Variants in FBLN2 observed in about 807,000 individuals in gnomAD.
FBLN2 encodes fibulin-2.
Under a neutral mutation model 123.7 loss-of-function variants are expected in FBLN2, and 81 were observed. The observed-to-expected ratio is 0.65, with a 90% confidence interval of 0.55 to 0.79. FBLN2 has a LOEUF of 0.79. Ranked by LOEUF, FBLN2 falls within the 30% of genes least tolerant of loss-of-function variation. FBLN2 has a pLI of 0.00. For missense variants in FBLN2, 1,603 were observed against 1,681.3 expected (o/e 0.95, Z 0.81); for synonymous variants, 699 against 701.4 (o/e 1.00, Z 0.05).
chr3:13,624,763 A>G (rs6773406), intron 9 of FBLN2, among the ~76,000 whole-genome samples: 101,856 of 152,244 alleles, frequency 0.67, 34,326 homozygotes, highest in East Asian at 0.77. Context: ...GGGCCGACAC[A>G]CCCACTTGGT....
At chr3:13,581,208 C>T (rs546964106) in intron 2 of FBLN2, among the ~76,000 whole-genome samples, 74 of 5,582 alleles carry the variant, frequency 0.013, no homozygotes, top group African/African-American at 0.056. Context: ...AAGTCAGGGG[C>T]GGCAGGTGGG....
Position 13,631,424 on chromosome 3 carries a change from T to G in FBLN2, c.3181T>G (p.Tyr1061Asp). 6.3e-7 allele frequency: 1 copy of G among 1,599,046 alleles called. No individual in the cohort carries two copies. The highest frequency in any genetic ancestry group is 8.5e-7 in the Non-Finnish European group (1 of 1,173,030). ...SYQCACPEQG[Y>D]TMTANGRSCK... ...CCAGTGTGCATGCCCTGAGCAGGGC[T>G]ACACCATGACGGCCAACGGGAGGTC... The change falls in exon 16 of 18, where the codon TAC (tyrosine) becomes GAC (aspartate). Residue 1061 changes from tyrosine (Y) to aspartate (D), a missense_variant. By Grantham distance (160) the Tyr-to-Asp change is radical. Coordinates refer to ENST00000404922, the MANE Select transcript of FBLN2 (RefSeq NM_001004019.2).
intron 1 of FBLN2, among the ~76,000 whole-genome samples, chr3:13,569,678 C>T (rs533902547): frequency 6.6e-6 from 1 of 152,074 alleles, no homozygotes; most frequent in South Asian, 2.1e-4. Context: ...AGGTGTGTTC[C>T]TGAGTCCTAG....
intron 2 of FBLN2, among the ~76,000 whole-genome samples, chr3:13,579,030 G>C (rs1650192199): frequency 6.6e-6 from 1 of 152,190 alleles, no homozygotes; most frequent in African/African-American, 2.4e-5. Context: ...ACTCCAGCCT[G>C]GGCAGCAAGA....
At chr3:13,555,018 T>C (rs1420268515) in intron 1 of FBLN2, among the ~76,000 whole-genome samples, 1 of 151,966 alleles carries the variant, frequency 6.6e-6, no homozygotes, top group African/African-American at 2.4e-5. Flanking sequence ...AGTGGTGCGA[T>C]TCCGGCTCAC....
chr3:13,622,044 C>G (rs1705871880), intron 9 of FBLN2, 129 bp downstream of exon 9: 1 of 1,114,088 alleles, frequency 9.0e-7, no homozygotes, highest in East Asian at 2.6e-5. Context: ...CAGCCGGCAT[C>G]TCCGTGCTCT....
chr3:13,621,851 C>G lies in FBLN2; in HGVS notation c.2232C>G (p.Tyr744Ter), dbSNP rs1394462964. The part of the protein sequence containing the change: ...QFCVNTLGSF[Y>*]CVNHTVLCAD... ...GTGTGAACACCCTGGGATCCTTCTA[C>G]TGTGTCAACCACACAGTGCTCTGTG... is the stretch of plus-strand genomic sequence containing the variant. Residue 744 changes from tyrosine (Y) to a stop codon, truncating the protein, a stop_gained, in exon 9 of 18, where the codon TAC (tyrosine) becomes TAG (stop). Transcript: ENST00000404922. LOFTEE classifies it high-confidence loss of function. The G allele has an allele frequency of 1.9e-6, 3 of 1,613,950 alleles. No homozygotes were observed. The highest frequency in any genetic ancestry group is 2.5e-6 in the Non-Finnish European group (3 of 1,179,908).
At chr3:13,587,580 C>T (rs1349771430) in intron 2 of FBLN2, among the ~76,000 whole-genome samples, 4 of 152,162 alleles carry the variant, frequency 2.6e-5, no homozygotes, top group South Asian at 2.1e-4. Context: ...TCTCAGCAGG[C>T]GCTCTTAAAA....
chr3:13,622,109 G>A (rs1399835017), intron 9 of FBLN2, among the ~76,000 whole-genome samples, 194 bp downstream of exon 9: 1 of 152,190 alleles, frequency 6.6e-6, no homozygotes, highest in Non-Finnish European at 1.5e-5. Flanking sequence ...AGCTCCACCC[G>A]GAGGCTGCTT....
chr3:13,612,297 T>TTCTTTCTTTC (rs1705421361), intron 4 of FBLN2, among the ~76,000 whole-genome samples: 2 of 49,176 alleles, frequency 4.1e-5, no homozygotes, highest in Non-Finnish European at 1.1e-4. Context: ...TTATTTTCCT[T>TTCTTTCTTTC]TCTTTCTTTC....
chr3:13,609,421 G>T, intron 3 of FBLN2, 92 bp from the exon 4 acceptor site: 2 of 1,404,998 alleles, frequency 1.4e-6, no homozygotes, highest in Non-Finnish European at 1.9e-6. Flanking sequence ...TGTGGACCTT[G>T]GGCAGAGCTT....
intron 1 of FBLN2, among the ~76,000 whole-genome samples, chr3:13,557,070 T>G (rs1168116224): frequency 6.6e-6 from 1 of 152,282 alleles, no homozygotes; most frequent in East Asian, 1.9e-4. Context: ...AGGTGGTCTG[T>G]GCTTTCTTTT....
At chr3:13,559,413 A>G (rs1382559796) in intron 1 of FBLN2, among the ~76,000 whole-genome samples, 2 of 152,214 alleles carry the variant, frequency 1.3e-5, no homozygotes, top group Non-Finnish European at 2.9e-5. Flanking sequence ...CTTGATGACA[A>G]GATGGCTTCA....
rs368630493 is a variant in FBLN2, at chr3:13,614,025, C to T, written c.1590C>T (p.Ala530=). 14 of 1,613,230 alleles carry T rather than the reference C, an allele frequency of 8.7e-6. No homozygotes were observed. Among genetic ancestry groups the T allele is most frequent in the South Asian group, 4.4e-5 (4 of 91,074 alleles). The change falls in exon 5 of 18, where the codon GCC becomes GCT. Residue 530 remains alanine (A), a synonymous_variant. Coordinates refer to ENST00000404922, the MANE Select transcript of FBLN2 (RefSeq NM_001004019.2). ...DCCGLGLRVR[A]EGQSCESNPN... Reference sequence around the variant, plus strand: ...GTGGCCTGGGCCTCCGCGTGCGGGCCGAGGGCCAGTCGTGTGAGTCCAATC... The same window carrying T: ...GTGGCCTGGGCCTCCGCGTGCGGGCTGAGGGCCAGTCGTGTGAGTCCAATC...
At chr3:13,613,365 A>G (rs1375801501) in intron 4 of FBLN2, among the ~76,000 whole-genome samples, 2 of 152,248 alleles carry the variant, frequency 1.3e-5, no homozygotes, top group Non-Finnish European at 2.9e-5. Context: ...ATACTACTGT[A>G]TTTTAAAATA....
intron 1 of FBLN2, 83 bp from the exon 2 acceptor site, chr3:13,570,232 C>T: frequency 1.5e-6 from 2 of 1,377,690 alleles, no homozygotes; most frequent in East Asian, 2.6e-5. Context: ...TGAGGCTGGG[C>T]CCCTGCCCGC....
At position 13,586,664 on chromosome 3, in the gene FBLN2, A is replaced by ATT. The variant is rs539204519; in HGVS notation, c.1306+15020_1306+15021dup. 8.2e-3 allele frequency among the ~76,000 whole-genome samples: 1,027 copies of ATT among 124,790 alleles called. 19 individuals are homozygous for ATT. Among genetic ancestry groups the ATT allele is most frequent in the African/African-American group, 0.03 (936 of 31,554 alleles). 81.9% of individuals were successfully genotyped at this position (124,790 alleles called of 152,430 possible). On this transcript the variant is annotated intron_variant, in intron 2 of 17. Transcript: ENST00000404922. ...AGGCGCATGGTGCCATGCCCAGCTA[A>ATT]TTTTTTTTTTTTTTTTTTGTATTTT...
At chr3:13,634,090 T>C (rs1706364561) in intron 16 of FBLN2, among the ~76,000 whole-genome samples, 2 of 152,038 alleles carry the variant, frequency 1.3e-5, no homozygotes, top group Admixed American at 1.3e-4. Context: ...AGCAGCACTC[T>C]CGGTCTTGCC....
chr3:13,558,850 C>G (rs1703535522), intron 1 of FBLN2, among the ~76,000 whole-genome samples: 1 of 140,494 alleles, frequency 7.1e-6, no homozygotes, highest in African/African-American at 2.6e-5. Context: ...CTTATCCCAC[C>G]CTCAGGGCTT....
Sources: allele counts gnomAD v4.1 joint callset (sites outside exome capture counted in the v4.1 genomes callset), GRCh38; gene constraint gnomAD v4.1.1; transcripts MANE v1.5; gene names NCBI Gene and HGNC (gene_info 2026-07-23, HGNC 2026-07-21).